The following NDRG3 variants were observed in gnomAD, a reference collection of about 807,000 sequenced individuals.
The protein encoded by NDRG3 is protein NDRG3.
NDRG3 carries 23 observed loss-of-function variants against 57.2 expected under a neutral mutation model. That is an observed-to-expected ratio of 0.40 (90% CI 0.29 to 0.57). NDRG3 has a LOEUF of 0.57. NDRG3 is among the 20% of genes least tolerant of loss of function. NDRG3 has a pLI of 0.42. For synonymous variants in NDRG3, 132 were observed against 162.6 expected, an observed-to-expected ratio of 0.81 and a Z score of 1.43; for missense variants, 384 against 457.3, an observed-to-expected ratio of 0.84 and a Z score of 1.46.
chr20:36,687,705 T>G lies in NDRG3; in HGVS notation c.200-93A>C, dbSNP rs564280571. The G allele has an allele frequency of 1.2e-3, 1,772 of 1,426,310 alleles. 1 individual carries two copies. The highest frequency in any genetic ancestry group is 1.6e-3 in the Non-Finnish European group (1,683 of 1,059,054). 88.4% of individuals were successfully genotyped at this position (1,426,310 alleles called of 1,614,324 possible). On this transcript the variant is annotated intron_variant, in intron 4 of 15. Transcript: ENST00000349004. ...AATGCCTATTATCACCTTCTTTCCC[T>G]GCTTTTTAACCACCATTCCACCAAA...
chr20:36,670,985 T>C (rs1655800634), intron 9 of NDRG3, among the ~76,000 whole-genome samples: 1 of 152,232 alleles, frequency 6.6e-6, no homozygotes, highest in African/African-American at 2.4e-5. Flanking sequence ...TTTAGCACTA[T>C]TATTTCAAGG....
chr20:36,660,773 GA>G (rs1979137594), intron 12 of NDRG3, among the ~76,000 whole-genome samples: 1 of 152,040 alleles, frequency 6.6e-6, no homozygotes, highest in South Asian at 2.1e-4. Flanking sequence ...TGTTAGCCAG[GA>G]TGGTCTCGAT....
intron 3 of NDRG3, among the ~76,000 whole-genome samples, chr20:36,693,153 CAT>C (rs1299560614): frequency 1.9e-4 from 16 of 83,208 alleles, no homozygotes; most frequent in Admixed American, 1.0e-3. Flanking sequence ...CACACACACA[CAT>C]ATACACATAT....
intron 2 of NDRG3, among the ~76,000 whole-genome samples, chr20:36,714,877 T>C (rs1045677994): frequency 6.6e-6 from 1 of 151,188 alleles, no homozygotes; most frequent in Non-Finnish European, 1.5e-5. Flanking sequence ...CTTCCCAAAG[T>C]GCTGGGATTA....
At chr20:36,655,920 G>A (rs1361217293) in intron 15 of NDRG3, among the ~76,000 whole-genome samples, 2 of 152,086 alleles carry the variant, frequency 1.3e-5, no homozygotes, top group African/African-American at 2.4e-5. Flanking sequence ...CAGATCATGA[G>A]GTCAAGAGAT....
At chr20:36,684,997 T>C (rs1471281591) in intron 5 of NDRG3, among the ~76,000 whole-genome samples, 1 of 152,190 alleles carries the variant, frequency 6.6e-6, no homozygotes, top group Non-Finnish European at 1.5e-5. Context: ...CCACGGTTTC[T>C]ATATCCTAAC....
chr20:36,714,767 C>A (rs1255905801), intron 2 of NDRG3, among the ~76,000 whole-genome samples: 2 of 151,416 alleles, frequency 1.3e-5, no homozygotes, highest in East Asian at 3.9e-4. Context: ...GCACGTGCCA[C>A]CACGCCCGGC....
intron 3 of NDRG3, among the ~76,000 whole-genome samples, chr20:36,695,555 G>C (rs1222133352): frequency 6.6e-6 from 1 of 152,208 alleles, no homozygotes; most frequent in Non-Finnish European, 1.5e-5. Context: ...GCCGCTGTGG[G>C]AGTGTCTGCC....
At chr20:36,708,993 A>C (rs2148173106) in intron 2 of NDRG3, among the ~76,000 whole-genome samples, 1 of 152,282 alleles carries the variant, frequency 6.6e-6, no homozygotes, top group East Asian at 1.9e-4. Flanking sequence ...AGCTGAGATC[A>C]TGCCATTGCA....
intron 1 of NDRG3, 134 bp from the exon 2 acceptor site, chr20:36,721,917 TAGTTACGGCAG>T (rs1460048431): frequency 1.8e-6 from 1 of 541,718 alleles, no homozygotes; most frequent in Admixed American, 3.5e-5. Context: ...TAAAGACACA[TAGTTACGGCAG>T]ATAGACACTA....
intron 1 of NDRG3, among the ~76,000 whole-genome samples, chr20:36,742,776 G>A (rs1242636717): frequency 2.0e-5 from 3 of 152,184 alleles, no homozygotes; most frequent in African/African-American, 7.2e-5. Context: ...ACAGGAACCT[G>A]TTTGATTCAA....
intron 2 of NDRG3, among the ~76,000 whole-genome samples, chr20:36,714,361 C>T (rs1383508051): frequency 1.5e-5 from 2 of 135,470 alleles, no homozygotes; most frequent in Non-Finnish European, 3.1e-5. Flanking sequence ...GCCGAGACCA[C>T]ATCATTGCAC....
intron 12 of NDRG3, among the ~76,000 whole-genome samples, 180 bp from the exon 13 acceptor site, chr20:36,660,564 A>T (rs192145960): frequency 0.067 from 9,965 of 147,876 alleles, 596 homozygotes; most frequent in African/African-American, 0.16. Flanking sequence ...TTATTTATTT[A>T]TTTATTTTTT....
chr20:36,656,882 A>T (rs1333297041), intron 13 of NDRG3, among the ~76,000 whole-genome samples: 3 of 152,184 alleles, frequency 2.0e-5, no homozygotes, highest in Non-Finnish European at 4.4e-5. Context: ...TTCTCTGTGC[A>T]TCAAGCTTTC....
chr20:36,652,510 T>TGTGTTA lies in NDRG3; in HGVS notation c.*1004_*1009dup, dbSNP rs1240933197. On this transcript the variant is annotated 3_prime_UTR_variant, in exon 16 of 16. Coordinates refer to ENST00000349004, the MANE Select transcript of NDRG3 (RefSeq NM_032013.4). ...AGGCTATACTTGTTAAACATGATAC[T>TGTGTTA]GTGTTAATGGCTGTTCCTCTCCCCC... 1 of 152,206 alleles carries TGTGTTA rather than the reference T, an allele frequency of 6.6e-6. No individual in the cohort carries two copies. The highest frequency in any genetic ancestry group is 1.5e-5 in the Non-Finnish European group (1 of 68,052). The allele number at this position is 152,206 out of a possible 1,614,324, so 9.4% of individuals were successfully genotyped here.
chr20:36,674,953 G>A (rs1419859967), intron 8 of NDRG3, among the ~76,000 whole-genome samples: 1 of 139,702 alleles, frequency 7.2e-6, no homozygotes, highest in African/African-American at 2.7e-5. Flanking sequence ...GGAGTCCAGT[G>A]GTGTGATCAT....
At chr20:36,700,339 C>A (rs1600922546) in intron 3 of NDRG3, 1 of 396,940 alleles carries the variant, frequency 2.5e-6, no homozygotes. Context: ...TTGGAGCAGC[C>A]CCTAGTTGTC....
intron 8 of NDRG3, among the ~76,000 whole-genome samples, chr20:36,678,408 T>A (rs1233430165): frequency 2.6e-5 from 4 of 152,088 alleles, no homozygotes. Flanking sequence ...ATTGGCCGGG[T>A]GCGGTAGCTC....
At chr20:36,700,113 CAAA>C (rs1294581784) in intron 3 of NDRG3, among the ~76,000 whole-genome samples, 3 of 47,098 alleles carry the variant, frequency 6.4e-5, no homozygotes. Context: ...CAATCAGTCT[CAAA>C]AAAAAAAAAA....
Sources: allele counts gnomAD v4.1 joint callset (sites outside exome capture counted in the v4.1 genomes callset), GRCh38; gene constraint gnomAD v4.1.1; transcripts MANE v1.5; gene names NCBI Gene and HGNC (gene_info 2026-07-23, HGNC 2026-07-21).